Variants in RNF220 observed in about 807,000 individuals in gnomAD.
RNF220 encodes the protein ring finger protein 220.
In RNF220, 7 loss-of-function variants were observed where a neutral mutation model predicts 67.1. That is an observed-to-expected ratio of 0.10 (90% CI 0.06 to 0.20). The LOEUF (loss-of-function observed/expected upper bound fraction) is 0.20. Among genes scored for constraint, RNF220 ranks in the 10% least tolerant of loss-of-function variants. The pLI, the probability that RNF220 is intolerant of heterozygous loss-of-function variation, is 1.00. For missense variants in RNF220, 565 were observed against 740.3 expected (o/e 0.76, Z 2.75); for synonymous variants, 270 against 283.2 (o/e 0.95, Z 0.47).
At chr1:44,574,317 T>C (rs1664657287) in intron 2 of RNF220, among the ~76,000 whole-genome samples, 2 of 152,218 alleles carry the variant, frequency 1.3e-5, no homozygotes, top group South Asian at 4.1e-4. Context: ...CCCACTTCAC[T>C]TGGCTAACTC....
intron 3 of RNF220, among the ~76,000 whole-genome samples, chr1:44,615,937 T>C (rs1297867470): frequency 6.6e-6 from 1 of 152,226 alleles, no homozygotes; most frequent in Non-Finnish European, 1.5e-5. Flanking sequence ...CTCATGAAGC[T>C]GCAGTCAAGA....
intron 2 of RNF220, among the ~76,000 whole-genome samples, chr1:44,414,552 T>C (rs577623894): frequency 3.8e-4 from 58 of 152,286 alleles, no homozygotes; most frequent in Admixed American, 1.4e-3. Context: ...TCCATTCCCC[T>C]CTGAGTGTCA....
chr1:44,556,638 C>A (rs1162466686), intron 2 of RNF220, among the ~76,000 whole-genome samples: 1 of 151,664 alleles, frequency 6.6e-6, no homozygotes, highest in Non-Finnish European at 1.5e-5. Flanking sequence ...TGGCTCACTG[C>A]AAGCTCCGCC....
chr1:44,559,967 G>GC lies in RNF220; in HGVS notation c.626-54192dup, dbSNP rs534803496. ...GGGTGGGAGCTGAGCCTTGCCAAGG[G>GC]CCCCCCTCAGCCCAGGAGGAGCCAC... On this transcript the variant is annotated intron_variant, in intron 2 of 14. Coordinates refer to ENST00000361799, the MANE Select transcript of RNF220 (RefSeq NM_018150.4). 1.5e-3 allele frequency among the ~76,000 whole-genome samples: 223 copies of GC among 152,270 alleles called. 1 individual carries two copies. Among genetic ancestry groups the GC allele is most frequent in the Non-Finnish European group, 1.6e-3 (110 of 68,018 alleles).
chr1:44,553,015 C>T (rs958168116), intron 2 of RNF220, among the ~76,000 whole-genome samples: 1 of 152,180 alleles, frequency 6.6e-6, no homozygotes, highest in Non-Finnish European at 1.5e-5. Flanking sequence ...TGTGTTCCAG[C>T]TCCTCTCTTT....
intron 2 of RNF220, among the ~76,000 whole-genome samples, chr1:44,530,264 G>C (rs1660731334): frequency 6.6e-6 from 1 of 152,024 alleles, no homozygotes; most frequent in Non-Finnish European, 1.5e-5. Context: ...CTTTATAATT[G>C]TGGTTATCTG....
rs572918624 is a variant in RNF220 at position 44,505,771 on chromosome 1, A to G, written c.625+93049A>G. Among the ~76,000 whole-genome samples, 4 of 152,298 alleles carry G rather than the reference A, an allele frequency of 2.6e-5. No individual in the cohort carries two copies. In the South Asian group the frequency reaches 8.3e-4, roughly 32 times the overall value. ...AGCGTAACATTCTCCCCACGGCAGG[A>G]GAATGCAGAGAGCAAATTGAAGGGC... On this transcript the variant is annotated intron_variant, in intron 2 of 14. Coordinates refer to ENST00000361799, the MANE Select transcript of RNF220 (RefSeq NM_018150.4).
intron 4 of RNF220, among the ~76,000 whole-genome samples, chr1:44,625,424 G>C (rs2148456409): frequency 6.6e-6 from 1 of 152,350 alleles, no homozygotes; most frequent in East Asian, 1.9e-4. Context: ...GGCTCAGCCG[G>C]AGATGAAGGA....
chr1:44,511,912 T>TGTGTGC (rs1250623019), intron 2 of RNF220, among the ~76,000 whole-genome samples: 14 of 127,032 alleles, frequency 1.1e-4, no homozygotes, highest in African/African-American at 4.3e-4. Flanking sequence ...GAAGCGTGTG[T>TGTGTGC]GTGCGTGTGT....
At position 44,645,688 on chromosome 1, in the gene RNF220, A is replaced by G. The variant is rs12728857; in HGVS notation, c.1445+200A>G. On this transcript the variant is annotated intron_variant, in intron 12 of 14. Coordinates refer to ENST00000361799, the MANE Select transcript of RNF220 (RefSeq NM_018150.4). The surrounding 1 kb of genome is among the most constrained non-coding windows in gnomAD (Gnocchi z 5.0). ...GAATTGATCACTGGGCCACGGCCCC[A>G]GAAGCCTTGGCGGTGGGAGGAGCAG... Among the ~76,000 whole-genome samples, 56,783 of 152,160 alleles carry G rather than the reference A, an allele frequency of 0.37. 11,534 individuals are homozygous for G. The highest frequency in any genetic ancestry group is 0.46 in the Middle Eastern group (134 of 294).
At chr1:44,453,651 A>C (rs1652900199) in intron 2 of RNF220, among the ~76,000 whole-genome samples, 1 of 152,038 alleles carries the variant, frequency 6.6e-6, no homozygotes, top group Non-Finnish European at 1.5e-5. Context: ...TACTAGATAA[A>C]TTTTATCTAG....
At chr1:44,458,479 C>A (rs1341013561) in intron 2 of RNF220, among the ~76,000 whole-genome samples, 1 of 151,984 alleles carries the variant, frequency 6.6e-6, no homozygotes, top group Non-Finnish European at 1.5e-5. Flanking sequence ...TCAGTAACCA[C>A]TTCAGAGAGT....
At chr1:44,607,596 C>A (rs1480940594) in intron 2 of RNF220, among the ~76,000 whole-genome samples, 1 of 151,618 alleles carries the variant, frequency 6.6e-6, no homozygotes, top group East Asian at 1.9e-4. Context: ...ATGCCAGTCT[C>A]CTTGCCTCAG....
At chr1:44,502,467 C>A (rs1415689916) in intron 2 of RNF220, among the ~76,000 whole-genome samples, 1 of 152,108 alleles carries the variant, frequency 6.6e-6, no homozygotes, top group South Asian at 2.1e-4. Flanking sequence ...CATGTAATAA[C>A]CATCTGCATG....
chr1:44,548,993 C>A (rs935312109), intron 2 of RNF220, among the ~76,000 whole-genome samples: 3 of 152,158 alleles, frequency 2.0e-5, no homozygotes, highest in Non-Finnish European at 4.4e-5. Flanking sequence ...TCCAGACCAG[C>A]CTGGGCAATG....
chr1:44,434,110 C>T (rs1368004887), intron 2 of RNF220, among the ~76,000 whole-genome samples: 1 of 151,802 alleles, frequency 6.6e-6, no homozygotes, highest in Non-Finnish European at 1.5e-5. Flanking sequence ...CAAATATGTT[C>T]CTTGGAACAT....
chr1:44,466,988 C>T (rs1342022095), intron 2 of RNF220, among the ~76,000 whole-genome samples: 1 of 152,238 alleles, frequency 6.6e-6, no homozygotes, highest in African/African-American at 2.4e-5. Context: ...TCCTCTCTAG[C>T]TTTGAAAGCT....
rs1416686464 is a variant in RNF220 at position 44,606,037 on chromosome 1, T to G, written c.626-8128T>G. Among the ~76,000 whole-genome samples the G allele has an allele frequency of 6.6e-6, 1 of 152,168 alleles. No homozygotes were observed. The highest frequency in any genetic ancestry group is 2.4e-5 in the African/African-American group (1 of 41,446). On this transcript the variant is annotated intron_variant, in intron 2 of 14. Coordinates refer to ENST00000361799, the MANE Select transcript of RNF220 (RefSeq NM_018150.4). This position sits in a 1 kb window ranked among gnomAD's most constrained non-coding sequence, Gnocchi z 4.2. ...CTACCCCTACCTCCTCAACCAGGGA[T>G]GCCTATTAATCCTGACAAATGATGA...
rs1430988224 is a variant in RNF220, at chr1:44,621,154, G to A, written c.759-1588G>A. Among the ~76,000 whole-genome samples the A allele has an allele frequency of 1.3e-5, 2 of 152,294 alleles. No homozygotes were observed. Among genetic ancestry groups the A allele is most frequent in the African/African-American group, 4.8e-5 (2 of 41,554 alleles). On this transcript the variant is annotated intron_variant, in intron 3 of 14. Coordinates refer to ENST00000361799, the MANE Select transcript of RNF220 (RefSeq NM_018150.4). The surrounding 1 kb of genome is among the most constrained non-coding windows in gnomAD (Gnocchi z 4.8). The stretch of plus-strand genomic sequence containing the variant: ...TGGTCTCGAACTCCTGACCTCAGGT[G>A]ATCCACCAGCCTCGGCCTCACAAAG...
Sources: allele counts gnomAD v4.1 joint callset (sites outside exome capture counted in the v4.1 genomes callset), GRCh38; gene constraint gnomAD v4.1.1; non-coding constraint Gnocchi (gnomAD v3.1); transcripts MANE v1.5; gene names NCBI Gene and HGNC (gene_info 2026-07-23, HGNC 2026-07-21).